FBXO32: variants seen among roughly 807,000 people sequenced by gnomAD.
FBXO32 encodes F-box protein 32.
In FBXO32, 15 loss-of-function variants were observed where a neutral mutation model predicts 48.3. The observed-to-expected ratio is 0.31, with a 90% CI of 0.21 to 0.48. The LOEUF (loss-of-function observed/expected upper bound fraction) is 0.48. Ranked by LOEUF, FBXO32 falls within the 20% of genes least tolerant of loss-of-function variation. FBXO32 has a pLI of 0.99. For synonymous variants in FBXO32, 154 were observed against 165.9 expected, an observed-to-expected ratio of 0.93 and a Z score of 0.55; for missense variants, 309 against 432.7, an observed-to-expected ratio of 0.71 and a Z score of 2.54.
At chr8:123,529,886 C>T (rs1385213998) in intron 4 of FBXO32, among the ~76,000 whole-genome samples, 4 of 152,198 alleles carry the variant, frequency 2.6e-5, no homozygotes, top group African/African-American at 9.7e-5. Context: ...CATCTAAAAA[C>T]TGACCATTTT....
Position 123,501,560 on chromosome 8 carries a change from A to G in FBXO32, c.*1813T>C, listed in dbSNP as rs1816488527. On this transcript the variant is annotated 3_prime_UTR_variant, in exon 9 of 9. Transcript: ENST00000517956. Reference sequence around the variant, plus strand: ...AAAAAAACTGGAGAAATTCTGGCGTAGCACAAACATTGCAAAGTGAGGAGC... The same window carrying G: ...AAAAAAACTGGAGAAATTCTGGCGTGGCACAAACATTGCAAAGTGAGGAGC... 6.6e-6 allele frequency: 1 copy of G among 152,178 alleles called. No homozygotes were observed. Among genetic ancestry groups the G allele is most frequent in the Admixed American group, 6.5e-5 (1 of 15,290 alleles). The allele number at this position is 152,178 out of a possible 1,614,324, so 9.4% of individuals were successfully genotyped here. A position where few individuals can be genotyped will look rare whatever the true frequency, so the allele number is the denominator to read the frequency against.
Position 123,541,143 on chromosome 8 carries a change from CG to C in FBXO32, c.-130del. The C allele has an allele frequency of 2.2e-6, 1 of 457,820 alleles. No homozygotes were observed. The allele number at this position is 457,820 out of a possible 1,614,324, so 28.4% of individuals were successfully genotyped here. On this transcript the variant is annotated 5_prime_UTR_variant, in exon 1 of 9. Transcript: ENST00000517956. ...GGGCGGCGGGGCGGCGGGAACGGCG[CG>C]GGGCACCCTGCGGGGTGGCGGGCGC...
In FBXO32 at chr8:123,513,188, G is replaced by T. The variant is rs1181199025; in HGVS notation, c.651+10C>A. 5 of 1,613,924 alleles carry T rather than the reference G, an allele frequency of 3.1e-6. No homozygotes were observed. In the East Asian group the frequency reaches 1.1e-4, roughly 36 times the overall value. On this transcript the variant is annotated intron_variant, in intron 6 of 8. Coordinates refer to ENST00000517956, the MANE Select transcript of FBXO32 (RefSeq NM_058229.4). The surrounding 1 kb of genome is among the most constrained non-coding windows in gnomAD (Gnocchi z 4.3). Reference sequence around the variant, plus strand: ...CCACTGCCGGGAGGAGGCTGGGCCTGCCCGCTTACCCTGGTGATCTGAATG... The same window carrying T: ...CCACTGCCGGGAGGAGGCTGGGCCTTCCCGCTTACCCTGGTGATCTGAATG...
chr8:123,514,104 C>G (rs1816790292), intron 5 of FBXO32, 136 bp downstream of exon 5: 3 of 649,630 alleles, frequency 4.6e-6, no homozygotes, highest in Admixed American at 3.2e-5. Context: ...TTTAGTGTCT[C>G]TAAAATGTAG....
chr8:123,509,247 A>G (rs549051707), intron 6 of FBXO32, among the ~76,000 whole-genome samples: 4 of 152,346 alleles, frequency 2.6e-5, no homozygotes, highest in Admixed American at 2.0e-4. Flanking sequence ...AATAGAAAGC[A>G]TTTACTCTGA....
In FBXO32 at chr8:123,540,105, C is replaced by A. The variant is rs1316363097; in HGVS notation, c.116+794G>T. Among the ~76,000 whole-genome samples the A allele has an allele frequency of 1.3e-5, 2 of 152,204 alleles. No individual in the cohort carries two copies. The highest frequency in any genetic ancestry group is 3.8e-4 in the East Asian group (2 of 5,198). On this transcript the variant is annotated intron_variant, in intron 1 of 8. Transcript: ENST00000517956. The surrounding 1 kb of genome is among the most constrained non-coding windows in gnomAD (Gnocchi z 6.4). ...AGGTGAGGCCTCGAATCCAGAGGCT[C>A]ACCGGGGCCAGGCAGGCTTTTCGCA...
At chr8:123,514,178 G>C in intron 5 of FBXO32, 62 bp downstream of exon 5, 2 of 1,262,432 alleles carry the variant, frequency 1.6e-6, no homozygotes, top group Non-Finnish European at 2.2e-6. Flanking sequence ...CACTTCATTG[G>C]AAAATCCATC....
In FBXO32 at chr8:123,513,092, GA is replaced by G; in HGVS notation, c.651+105del. On this transcript the variant is annotated intron_variant, in intron 6 of 8. Coordinates refer to ENST00000517956, the MANE Select transcript of FBXO32 (RefSeq NM_058229.4). This position sits in a 1 kb window ranked among gnomAD's most constrained non-coding sequence, Gnocchi z 4.3. The stretch of plus-strand genomic sequence containing the variant: ...CAGAACAAAGCAGCAGATCAGAAAA[GA>G]CCAGACTCTTCCGTCACAGGAGTGA... 1 of 1,234,346 alleles carries G rather than the reference GA, an allele frequency of 8.1e-7. No homozygotes were observed. The highest frequency in any genetic ancestry group is 2.5e-5 in the East Asian group (1 of 40,136). The allele number at this position is 1,234,346 out of a possible 1,614,324, so 76.5% of individuals were successfully genotyped here. A position where few individuals can be genotyped will look rare whatever the true frequency, so the allele number is the denominator to read the frequency against.
chr8:123,509,386 CT>C (rs1308621946), intron 6 of FBXO32, among the ~76,000 whole-genome samples: 4 of 152,130 alleles, frequency 2.6e-5, no homozygotes, highest in Admixed American at 2.6e-4. Flanking sequence ...CTCAATTTCT[CT>C]TTCCTCTGCA....
At chr8:123,514,160 G>A in intron 5 of FBXO32, 80 bp downstream of exon 5, 1 of 965,424 alleles carries the variant, frequency 1.0e-6, no homozygotes, top group Non-Finnish European at 1.6e-6. Flanking sequence ...TAAGTCTAAT[G>A]ACACGTCCAC....
chr8:123,529,524 T>C (rs10101794), intron 4 of FBXO32, among the ~76,000 whole-genome samples: 80,952 of 151,970 alleles, frequency 0.53, 22,961 homozygotes, highest in African/African-American at 0.75. Context: ...GAGGAAACCA[T>C]GTCTTAGGGA....
Position 123,513,520 on chromosome 8 carries a change from G to A in FBXO32, c.467-138C>T, listed in dbSNP as rs1816778304. 3.7e-5 allele frequency: 27 copies of A among 734,328 alleles called. No homozygotes were observed. The South Asian group carries it at 5.2e-4, about 14-fold the overall frequency. 45.5% of individuals were successfully genotyped at this position (734,328 alleles called of 1,614,324 possible). A position where few individuals can be genotyped will look rare whatever the true frequency, so the allele number is the denominator to read the frequency against. ...GGGGATATGGTTTTCTTCCTCACCA[G>A]TGTTTATTGTACGCTTGGCCAAGCT... On this transcript the variant is annotated intron_variant, in intron 5 of 8. Transcript: ENST00000517956. This position sits in a 1 kb window ranked among gnomAD's most constrained non-coding sequence, Gnocchi z 4.3.
intron 4 of FBXO32, among the ~76,000 whole-genome samples, chr8:123,515,725 G>A (rs1044258614): frequency 1.3e-5 from 2 of 152,148 alleles, no homozygotes; most frequent in Non-Finnish European, 1.5e-5. Flanking sequence ...CAGGTGCGGT[G>A]GCTCATGCGT....
chr8:123,503,777 T>G (rs937454332), intron 8 of FBXO32, among the ~76,000 whole-genome samples: 4 of 152,170 alleles, frequency 2.6e-5, no homozygotes, highest in Admixed American at 2.0e-4. Flanking sequence ...TAGTATATAA[T>G]AATCTATTGA....
intron 3 of FBXO32, among the ~76,000 whole-genome samples, chr8:123,532,930 T>C (rs569957316): frequency 1.4e-4 from 21 of 152,360 alleles, no homozygotes; most frequent in African/African-American, 4.8e-4. Context: ...ATGGTTGAGA[T>C]GGGCATGTCA....
chr8:123,519,932 C>T (rs1381559597), intron 4 of FBXO32, among the ~76,000 whole-genome samples: 1 of 152,130 alleles, frequency 6.6e-6, no homozygotes, highest in Non-Finnish European at 1.5e-5. Context: ...GGATTACAGG[C>T]ACCCGCCACC....
chr8:123,536,181 T>C (rs149278277), intron 1 of FBXO32, among the ~76,000 whole-genome samples: 1 of 152,236 alleles, frequency 6.6e-6, no homozygotes. Flanking sequence ...TTTGTTAATC[T>C]TCCTTCATAA....
In FBXO32 at chr8:123,513,810, C is replaced by T. The variant is rs1326854414; in HGVS notation, c.467-428G>A. ...TGATTATGGACAAATCACTTCTCCTCATGGGCCTCAGTTTCACCATGTGTA... is the reference window on the plus strand; with the variant it reads ...TGATTATGGACAAATCACTTCTCCTTATGGGCCTCAGTTTCACCATGTGTA... On this transcript the variant is annotated intron_variant, in intron 5 of 8. Coordinates refer to ENST00000517956, the MANE Select transcript of FBXO32 (RefSeq NM_058229.4). The surrounding 1 kb of genome is among the most constrained non-coding windows in gnomAD (Gnocchi z 4.3). 1.3e-5 allele frequency among the ~76,000 whole-genome samples: 2 copies of T among 152,190 alleles called. No individual in the cohort carries two copies. Among genetic ancestry groups the T allele is most frequent in the Admixed American group, 6.5e-5 (1 of 15,284 alleles).
chr8:123,511,480 GT>G (rs755817254), intron 6 of FBXO32, among the ~76,000 whole-genome samples: 92 of 139,880 alleles, frequency 6.6e-4, no homozygotes, highest in Middle Eastern at 3.7e-3. Context: ...GAGGTTTTTT[GT>G]TTTTTTTTTT....
Sources: allele counts gnomAD v4.1 joint callset (sites outside exome capture counted in the v4.1 genomes callset), GRCh38; gene constraint gnomAD v4.1.1; non-coding constraint Gnocchi (gnomAD v3.1); transcripts MANE v1.5; gene names NCBI Gene and HGNC (gene_info 2026-07-23, HGNC 2026-07-21).